The following ARHGAP6 variants were observed in gnomAD, a reference collection of about 807,000 sequenced individuals.
ARHGAP6 encodes the protein Rho GTPase activating protein 6.
ARHGAP6 carries 16 observed loss-of-function variants against 55.7 expected under a neutral mutation model. The ratio of observed to expected loss-of-function variants is 0.29; its 90% CI spans 0.19 to 0.44. The LOEUF (loss-of-function observed/expected upper bound fraction) is 0.44, where lower values mean the gene tolerates loss of function less well. Ranked by LOEUF, ARHGAP6 falls within the 20% of genes least tolerant of loss-of-function variation. ARHGAP6 has a pLI of 1.00. For synonymous variants in ARHGAP6, 382 were observed against 360.9 expected, an observed-to-expected ratio of 1.06 and a Z score of -0.66; for missense variants, 698 against 808.9, an observed-to-expected ratio of 0.86 and a Z score of 1.66.
intron 1 of ARHGAP6, among the ~76,000 whole-genome samples, chrX:11,480,447 A>G (rs2050445123): frequency 9.0e-6 from 1 of 110,547 alleles, no homozygotes; most frequent in Admixed American, 9.6e-5. Context: ...ATGAGTAGGT[A>G]TGGAGTGGGA....
At chrX:11,321,431 T>C (rs1011143788) in intron 1 of ARHGAP6, among the ~76,000 whole-genome samples, 1 of 111,850 alleles carries the variant, frequency 8.9e-6, no homozygotes, top group African/African-American at 3.2e-5. Flanking sequence ...CTAAAAATAG[T>C]AATATTTTGA....
In ARHGAP6 at chrX:11,664,895, G is replaced by A. The variant is rs1379911152; in HGVS notation, c.-67C>T. 1.9e-6 allele frequency: 2 copies of A among 1,031,758 alleles called. No individual in the cohort carries two copies. Among genetic ancestry groups the A allele is most frequent in the East Asian group, 3.3e-5 (1 of 30,332 alleles). 85.0% of individuals were successfully genotyped at this position (1,031,758 alleles called of 1,213,427 possible). ...CTGGACGCTGGTGGCTTTGGGTCGG[G>A]AACCGAAAGGGACTCAGGCAAAGGT... On this transcript the variant is annotated 5_prime_UTR_variant, in exon 1 of 13. Coordinates refer to ENST00000337414, the MANE Select transcript of ARHGAP6 (RefSeq NM_013427.3).
At chrX:11,589,463 G>C (rs2051778670) in intron 1 of ARHGAP6, among the ~76,000 whole-genome samples, 1 of 106,567 alleles carries the variant, frequency 9.4e-6, no homozygotes, top group Non-Finnish European at 1.9e-5. Context: ...AGACTGCATG[G>C]AAAGACACAT....
At chrX:11,249,391 A>G (rs1053462210) in intron 2 of ARHGAP6, among the ~76,000 whole-genome samples, 15 of 111,804 alleles carry the variant, frequency 1.3e-4, no homozygotes, top group African/African-American at 4.6e-4. Context: ...TCGTGTAACC[A>G]AATACCACCT....
intron 1 of ARHGAP6, among the ~76,000 whole-genome samples, chrX:11,617,707 G>A (rs765255398): frequency 3.6e-5 from 4 of 111,436 alleles, no homozygotes; most frequent in East Asian, 5.6e-4. Flanking sequence ...GAGGAGAAGG[G>A]GAGATACATT....
At chrX:11,296,156 T>TGTTCTGGC (rs2048080604) in intron 1 of ARHGAP6, among the ~76,000 whole-genome samples, 1 of 112,776 alleles carries the variant, frequency 8.9e-6, no homozygotes, top group Non-Finnish European at 1.9e-5. Flanking sequence ...CCACCCATCT[T>TGTTCTGGC]GTTCTGGCAT....
At chrX:11,639,218 AT>A (rs925501379) in intron 1 of ARHGAP6, among the ~76,000 whole-genome samples, 13 of 105,582 alleles carry the variant, frequency 1.2e-4, no homozygotes, top group South Asian at 4.1e-4. Flanking sequence ...ATTATGCCTT[AT>A]TTTTTTATTG....
chrX:11,396,141 T>A (rs1362453140), intron 1 of ARHGAP6, among the ~76,000 whole-genome samples: 6 of 111,209 alleles, frequency 5.4e-5, no homozygotes, highest in Middle Eastern at 9.2e-3. Flanking sequence ...AAGGAGAGTA[T>A]ATGTGATATT....
At chrX:11,204,576 G>A (rs1392530760) in intron 2 of ARHGAP6, among the ~76,000 whole-genome samples, 3 of 111,834 alleles carry the variant, frequency 2.7e-5, no homozygotes, top group Admixed American at 9.5e-5. Flanking sequence ...ACACATATCT[G>A]TTTGAGGTCT....
intron 1 of ARHGAP6, among the ~76,000 whole-genome samples, chrX:11,599,064 C>CATAAATAA (rs201156172): frequency 1.8e-5 from 2 of 110,677 alleles, no homozygotes; most frequent in African/African-American, 6.6e-5. Flanking sequence ...TCTCCAAATA[C>CATAAATAA]ATAAATAAAT....
At chrX:11,389,842 T>C (rs779356743) in intron 1 of ARHGAP6, among the ~76,000 whole-genome samples, 6 of 111,756 alleles carry the variant, frequency 5.4e-5, no homozygotes, top group African/African-American at 1.6e-4. Context: ...GTCGGTGTGG[T>C]TAGAGCTGAA....
At chrX:11,362,126 A>G (rs2049020116) in intron 1 of ARHGAP6, among the ~76,000 whole-genome samples, 1 of 111,760 alleles carries the variant, frequency 8.9e-6, no homozygotes, top group South Asian at 3.8e-4. Context: ...AACTAGAAAC[A>G]CCATTTGACC....
At chrX:11,266,058 TGTGTGTGTGTGTGTGAGA>T (rs2047620684) in intron 1 of ARHGAP6, 5 of 419,454 alleles carry the variant, frequency 1.2e-5, no homozygotes, top group Admixed American at 9.6e-5. Flanking sequence ...TGTGTGTGTG[TGTGTGTGTGTGTGTGAGA>T]GAGAGAGAGA....
intron 1 of ARHGAP6, among the ~76,000 whole-genome samples, chrX:11,479,505 G>A (rs113417705): frequency 1.4e-4 from 16 of 111,799 alleles, no homozygotes; most frequent in Admixed American, 5.7e-4. Context: ...TATGGCAGAT[G>A]GAATCTAGAT....
intron 5 of ARHGAP6, among the ~76,000 whole-genome samples, chrX:11,182,854 G>A (rs755992158): frequency 8.2e-5 from 9 of 109,574 alleles, no homozygotes; most frequent in African/African-American, 2.7e-4. Context: ...AGGCTCAAGC[G>A]ATCCACCTGC....
chrX:11,142,987 T>C (rs2045642073), intron 11 of ARHGAP6: 1 of 112,319 alleles, frequency 8.9e-6, no homozygotes, highest in African/African-American at 3.2e-5. Flanking sequence ...TTCTGTACTA[T>C]CCTCAGGAAT....
At chrX:11,152,570 G>A (rs766478301) in intron 10 of ARHGAP6, among the ~76,000 whole-genome samples, 1 of 111,361 alleles carries the variant, frequency 9.0e-6, no homozygotes, top group Admixed American at 9.5e-5. Context: ...AAATATCCAG[G>A]CTTGTTTATA....
At chrX:11,453,717 G>A (rs752683329) in intron 1 of ARHGAP6, among the ~76,000 whole-genome samples, 6 of 111,520 alleles carry the variant, frequency 5.4e-5, no homozygotes, top group Non-Finnish European at 7.5e-5. Flanking sequence ...AGCAAGGTTC[G>A]TAAAAAAGCC....
chrX:11,376,102 G>T (rs1351243176), intron 1 of ARHGAP6, among the ~76,000 whole-genome samples: 3 of 111,756 alleles, frequency 2.7e-5, no homozygotes, highest in African/African-American at 6.5e-5. Flanking sequence ...ACAGAAGAGA[G>T]AAAATAACAA....
Sources: gnomAD v4.1 joint callset for allele counts (sites outside exome capture counted in the v4.1 genomes callset) on GRCh38, gnomAD v4.1.1 for gene constraint, MANE v1.5 for transcripts, NCBI Gene and HGNC (gene_info 2026-07-23, HGNC 2026-07-21) for gene names.